Variants in CDS1 observed in about 807,000 individuals in gnomAD.
The protein encoded by CDS1 is phosphatidate cytidylyltransferase 1.
Under a neutral mutation model 62.1 loss-of-function variants are expected in CDS1, and 41 were observed. The ratio of observed to expected loss-of-function variants is 0.66; its 90% CI spans 0.51 to 0.86. CDS1 has a LOEUF of 0.86. Ranked by LOEUF, CDS1 falls within the 40% of genes least tolerant of loss-of-function variation. The pLI is 0.00. For missense variants in CDS1, 470 were observed against 550.1 expected (o/e 0.85, Z 1.46); for synonymous variants, 185 against 192.6 (o/e 0.96, Z 0.32).
intron 8 of CDS1, among the ~76,000 whole-genome samples, 170 bp downstream of exon 8, chr4:84,635,521 G>C (rs191424064): frequency 6.6e-6 from 1 of 150,926 alleles, no homozygotes; most frequent in East Asian, 2.0e-4. Flanking sequence ...CTTCCATCTG[G>C]GTTCTTCATC....
At chr4:84,604,957 C>G (rs13122829) in intron 2 of CDS1, among the ~76,000 whole-genome samples, 6,510 of 152,128 alleles carry the variant, frequency 0.043, 213 homozygotes, top group Admixed American at 0.095. Flanking sequence ...AGATTATTGT[C>G]TAAAACTCCA....
chr4:84,626,233 C>T (rs1316405878), intron 5 of CDS1, among the ~76,000 whole-genome samples: 1 of 152,016 alleles, frequency 6.6e-6, no homozygotes, highest in Non-Finnish European at 1.5e-5. Context: ...GATCGTAGAA[C>T]CCAACTGCTA....
At chr4:84,587,710 C>T (rs368622957) in intron 1 of CDS1, among the ~76,000 whole-genome samples, 2 of 152,100 alleles carry the variant, frequency 1.3e-5, no homozygotes, top group East Asian at 1.9e-4. Flanking sequence ...GTAGATTAAT[C>T]GGAGAAATGG....
At position 84,649,909 on chromosome 4, in the gene CDS1, A is replaced by G. The variant is rs924385711; in HGVS notation, c.*1223A>G. ...CTTTGGTGGACTGGACACTAACCAG[A>G]TGAGAGTAAATTTCTTATCCGTGGA... On this transcript the variant is annotated 3_prime_UTR_variant, in exon 13 of 13. Transcript: ENST00000295887. The G allele has an allele frequency of 6.6e-6, 1 of 152,208 alleles. No homozygotes were observed. Among genetic ancestry groups the G allele is most frequent in the Non-Finnish European group, 1.5e-5 (1 of 68,040 alleles). The allele number at this position is 152,208 out of a possible 1,614,324, so 9.4% of individuals were successfully genotyped here.
chr4:84,611,362 T>A (rs1411671598), intron 3 of CDS1, among the ~76,000 whole-genome samples: 2 of 152,164 alleles, frequency 1.3e-5, no homozygotes, highest in African/African-American at 4.8e-5. Context: ...TAATCCAGGT[T>A]CTTCTTATGT....
At chr4:84,598,161 A>G (rs185650080) in intron 1 of CDS1, among the ~76,000 whole-genome samples, 6 of 151,574 alleles carry the variant, frequency 4.0e-5, no homozygotes, top group Non-Finnish European at 8.8e-5. Flanking sequence ...AAAGAAAACC[A>G]TGAAGAAACA....
intron 3 of CDS1, among the ~76,000 whole-genome samples, chr4:84,613,839 CTG>C (rs1209689785): frequency 6.6e-6 from 1 of 152,070 alleles, no homozygotes; most frequent in Non-Finnish European, 1.5e-5. Flanking sequence ...TTCTTGGAAA[CTG>C]TTGTCATTAA....
In CDS1 at chr4:84,604,274, T is replaced by G. The variant is rs1164846282; in HGVS notation, c.149T>G (p.Leu50Trp). ...GATATTGATGACAGATATGGAGATT[T>G]GGATTCCAGAACAGATTCTGATATT... ...ETDIDDRYGD[L>W]DSRTDSDIPE... is the part of the protein sequence containing the mutation. Residue 50 changes from leucine to tryptophan, a missense_variant, in exon 2 of 13, where the codon TTG becomes TGG. Leu to Trp is a moderately conservative substitution (Grantham distance 61, BLOSUM62 -2). Coordinates refer to ENST00000295887, the MANE Select transcript of CDS1 (RefSeq NM_001263.4). The G allele has an allele frequency of 1.9e-6, 3 of 1,612,284 alleles. No homozygotes were observed. Among genetic ancestry groups the G allele is most frequent in the Non-Finnish European group, 1.7e-6 (2 of 1,178,894 alleles).
Position 84,650,584 on chromosome 4 carries a change from A to C in CDS1, c.*1898A>C, listed in dbSNP as rs1210230319. 18 of 152,190 alleles carry C rather than the reference A, an allele frequency of 1.2e-4. No homozygotes were observed. The highest frequency in any genetic ancestry group is 2.6e-4 in the Non-Finnish European group (18 of 68,026). 9.4% of individuals were successfully genotyped at this position (152,190 alleles called of 1,614,324 possible). A position where few individuals can be genotyped will look rare whatever the true frequency, so the allele number is the denominator to read the frequency against. ...CTCCTTGAGATACACAGATCCCCCC[A>C]CATTTGTATTTAAAATAATTGGTGA... On this transcript the variant is annotated 3_prime_UTR_variant, in exon 13 of 13. Coordinates refer to ENST00000295887, the MANE Select transcript of CDS1 (RefSeq NM_001263.4).
At chr4:84,635,682 CCTTCCTTCCCTCCT>C (rs1724180576) in intron 8 of CDS1, among the ~76,000 whole-genome samples, 1 of 130,848 alleles carries the variant, frequency 7.6e-6, no homozygotes, top group African/African-American at 3.1e-5. Flanking sequence ...TTCCTTCCTT[CCTTCCTTCCCTCCT>C]TCCCTCCCTC....
chr4:84,638,933 A>G lies in CDS1; in HGVS notation c.820A>G (p.Lys274Glu). The G allele has an allele frequency of 6.5e-7, 1 of 1,547,858 alleles. No individual in the cohort carries two copies. Among genetic ancestry groups the G allele is most frequent in the Non-Finnish European group, 8.7e-7 (1 of 1,147,138 alleles). ...ATTTGCCCTTTTTTAGTTGTCTCCT[A>G]AAAAGACTTGGGAAGGATTCATTGG... ...GRTPLIKLSP[K>E]KTWEGFIGGF... is the part of the protein sequence containing the mutation. The change falls in exon 9 of 13, where the codon AAA (lysine) becomes GAA (glutamate). Residue 274 changes from lysine to glutamate, a missense_variant. Transcript: ENST00000295887.
chr4:84,603,580 A>C (rs925151737), intron 1 of CDS1, among the ~76,000 whole-genome samples: 13 of 152,278 alleles, frequency 8.5e-5, no homozygotes, highest in African/African-American at 3.1e-4. Context: ...TGCAGTGACC[A>C]CCTTTGTTGA....
chr4:84,588,369 G>A (rs1722480479), intron 1 of CDS1, among the ~76,000 whole-genome samples: 1 of 152,084 alleles, frequency 6.6e-6, no homozygotes, highest in African/African-American at 2.4e-5. Flanking sequence ...TTTAATTTTG[G>A]AACAACTTTG....
At chr4:84,625,703 A>G (rs1221270103) in intron 5 of CDS1, among the ~76,000 whole-genome samples, 1 of 151,884 alleles carries the variant, frequency 6.6e-6, no homozygotes, top group African/African-American at 2.4e-5. Flanking sequence ...TATCTGGGAA[A>G]ACATTGGAGG....
intron 2 of CDS1, among the ~76,000 whole-genome samples, chr4:84,606,305 A>AGTGTGTGTGTGT (rs60828105): frequency 1.0e-4 from 15 of 146,510 alleles, no homozygotes; most frequent in African/African-American, 3.6e-4. Context: ...TTTCTTGTGC[A>AGTGTGTGTGTGT]GTGTGTGTGT....
rs1320360693 is a variant in CDS1 at position 84,592,488 on chromosome 4, G to T, written c.117+8970G>T. ...GTGCCCAGCCAACCAATTGGTTTTT[G>T]ATCATCCCTGAGATACACCAAGTTT... On this transcript the variant is annotated intron_variant, in intron 1 of 12. Transcript: ENST00000295887. 3.3e-5 allele frequency among the ~76,000 whole-genome samples: 5 copies of T among 152,006 alleles called. No homozygotes were observed. The South Asian group carries it at 6.2e-4, about 19-fold the overall frequency.
At chr4:84,593,974 C>T (rs1410096531) in intron 1 of CDS1, among the ~76,000 whole-genome samples, 1 of 152,088 alleles carries the variant, frequency 6.6e-6, no homozygotes, top group African/African-American at 2.4e-5. Context: ...GTAATTGCTC[C>T]CAGGCACGGG....
At chr4:84,628,011 C>T (rs1255293292) in intron 5 of CDS1, among the ~76,000 whole-genome samples, 4 of 152,228 alleles carry the variant, frequency 2.6e-5, no homozygotes, top group East Asian at 1.9e-4. Context: ...GTAATCTCCA[C>T]GATGCATATT....
chr4:84,606,954 CACAA>C (rs1333022071), intron 2 of CDS1, among the ~76,000 whole-genome samples: 1 of 152,180 alleles, frequency 6.6e-6, no homozygotes, highest in Non-Finnish European at 1.5e-5. Context: ...TCCATTAATC[CACAA>C]ACAGTTATAT....
Sources: gnomAD v4.1 joint callset for allele counts (sites outside exome capture counted in the v4.1 genomes callset) on GRCh38, gnomAD v4.1.1 for gene constraint, MANE v1.5 for transcripts, NCBI Gene and HGNC (gene_info 2026-07-23, HGNC 2026-07-21) for gene names.